SNX31: variants seen among roughly 807,000 people sequenced by gnomAD.
The protein encoded by SNX31 is sorting nexin 31.
Under a neutral mutation model 65.4 loss-of-function variants are expected in SNX31, and 58 were observed. The ratio of observed to expected loss-of-function variants is 0.89; its 90% CI spans 0.72 to 1.10. The LOEUF is 1.10. SNX31 is among the 50% of genes least tolerant of loss of function. The pLI is 0.00. For synonymous variants in SNX31, 181 were observed against 190.1 expected (o/e 0.95, Z 0.39); for missense variants, 523 against 529.7 (o/e 0.99, Z 0.12).
chr8:100,655,148 C>T (rs1288014361), intron 1 of SNX31, among the ~76,000 whole-genome samples: 7 of 152,118 alleles, frequency 4.6e-5, no homozygotes, highest in Non-Finnish European at 7.4e-5. Flanking sequence ...CGGTGACGTC[C>T]GGTCTGCCAC....
At chr8:100,584,466 C>T (rs1813847399) in intron 11 of SNX31, among the ~76,000 whole-genome samples, 1 of 152,108 alleles carries the variant, frequency 6.6e-6, no homozygotes, top group Non-Finnish European at 1.5e-5. Flanking sequence ...AAACTCACCC[C>T]CTTGCATCCC....
rs1394021665 is a variant in SNX31 at position 100,576,354 on chromosome 8, A to G, written c.1227+665T>C. ...TTCATTCACCTACACTAGGATTTGG[A>G]CTTAGAAAGGAAGAGTTAGCAAGGG... is the stretch of plus-strand genomic sequence containing the variant. On this transcript the variant is annotated intron_variant, in intron 13 of 13. Transcript: ENST00000311812. The surrounding 1 kb of genome is among the most constrained non-coding windows in gnomAD (Gnocchi z 4.8). Among the ~76,000 whole-genome samples, 1 of 152,172 alleles carries G rather than the reference A, an allele frequency of 6.6e-6. No individual in the cohort carries two copies. Among genetic ancestry groups the G allele is most frequent in the African/African-American group, 2.4e-5 (1 of 41,444 alleles).
chr8:100,620,332 G>A (rs914100061), intron 4 of SNX31, among the ~76,000 whole-genome samples: 2 of 152,162 alleles, frequency 1.3e-5, no homozygotes, highest in African/African-American at 2.4e-5. Flanking sequence ...GTCTTCACAG[G>A]GACCTGGGGA....
At position 100,578,279 on chromosome 8, in the gene SNX31, A is replaced by G. The variant is rs759937856; in HGVS notation, c.1171-1204T>C. ...TCTTAGACTCTTCTTAATGGGAAAG[A>G]AAAGAACTGCTATGTGCGTTAGGTA... On this transcript the variant is annotated intron_variant, in intron 12 of 13. Transcript: ENST00000311812. This position sits in a 1 kb window ranked among gnomAD's most constrained non-coding sequence, Gnocchi z 4.7. 5.3e-5 allele frequency among the ~76,000 whole-genome samples: 8 copies of G among 152,186 alleles called. No homozygotes were observed. Among genetic ancestry groups the G allele is most frequent in the African/African-American group, 1.7e-4 (7 of 41,432 alleles).
rs1587016602 is a variant in SNX31 at position 100,630,606 on chromosome 8, T to C, written c.257-215A>G. 6.6e-6 allele frequency among the ~76,000 whole-genome samples: 1 copy of C among 152,122 alleles called. No homozygotes were observed. Among genetic ancestry groups the C allele is most frequent in the Non-Finnish European group, 1.5e-5 (1 of 68,032 alleles). On this transcript the variant is annotated intron_variant, in intron 3 of 13. Coordinates refer to ENST00000311812, the MANE Select transcript of SNX31 (RefSeq NM_152628.4). This position sits in a 1 kb window ranked among gnomAD's most constrained non-coding sequence, Gnocchi z 5.3. ...AGGAACCCATGACACCCATCCAGGG[T>C]GACAGTGTTCCCAGGCATCTCACTT... is the stretch of plus-strand genomic sequence containing the variant.
In SNX31 at chr8:100,588,933, T is replaced by C; in HGVS notation, c.1025A>G (p.Asn342Ser). ...TDGPQRTLNQ[N>S]LELRFQYSED... ...ACTGTATTGAAATCTGAGCTCTAAG[T>C]TCTGGTTGAGAGTTCTCTGGGGCCC... The change falls in exon 11 of 14, where the codon AAC becomes AGC. Residue 342 changes from asparagine to serine, a missense_variant. Transcript: ENST00000311812. The surrounding 1 kb of genome is among the most constrained non-coding windows in gnomAD (Gnocchi z 4.8). The C allele has an allele frequency of 6.2e-7, 1 of 1,614,044 alleles. No individual in the cohort carries two copies.
At chr8:100,599,552 G>T (rs1232539713) in intron 9 of SNX31, among the ~76,000 whole-genome samples, 3 of 151,390 alleles carry the variant, frequency 2.0e-5, no homozygotes, top group South Asian at 2.1e-4. Flanking sequence ...TCTTTTTGCA[G>T]TTCATCAGTA....
rs185179420 is a variant in SNX31, at chr8:100,604,483, C to G, written c.681+4011G>C. 6.6e-6 allele frequency among the ~76,000 whole-genome samples: 1 copy of G among 152,212 alleles called. No individual in the cohort carries two copies. Among genetic ancestry groups the G allele is most frequent in the Admixed American group, 6.5e-5 (1 of 15,278 alleles). ...GACGTGTGTGCCTGGACAAGGTCAC[C>G]AGGCCATAGGGGAGTCAGGAAGCCA... On this transcript the variant is annotated intron_variant, in intron 8 of 13. Coordinates refer to ENST00000311812, the MANE Select transcript of SNX31 (RefSeq NM_152628.4). This position sits in a 1 kb window ranked among gnomAD's most constrained non-coding sequence, Gnocchi z 4.3.
chr8:100,581,329 C>CTATATATATA (rs1491502174), intron 12 of SNX31, among the ~76,000 whole-genome samples: 13 of 80,166 alleles, frequency 1.6e-4, no homozygotes, highest in African/African-American at 3.4e-4. Context: ...CTATATCTAT[C>CTATATATATA]TATCTATCTA....
chr8:100,573,730 A>T lies in SNX31; in HGVS notation c.*135T>A. Reference sequence around the variant, plus strand: ...TGTGGTATAATACCTTGATGAATACAGTCCATGTTAATGCCAAAAAAATGG... The same window carrying T: ...TGTGGTATAATACCTTGATGAATACTGTCCATGTTAATGCCAAAAAAATGG... On this transcript the variant is annotated 3_prime_UTR_variant, in exon 14 of 14. Coordinates refer to ENST00000311812, the MANE Select transcript of SNX31 (RefSeq NM_152628.4). 2 of 510,834 alleles carry T rather than the reference A, an allele frequency of 3.9e-6. No homozygotes were observed. The highest frequency in any genetic ancestry group is 6.9e-6 in the Non-Finnish European group (2 of 289,696). 31.6% of individuals were successfully genotyped at this position (510,834 alleles called of 1,614,324 possible).
intron 7 of SNX31, among the ~76,000 whole-genome samples, 153 bp from the exon 8 acceptor site, chr8:100,608,716 C>G (rs1816420696): frequency 1.3e-5 from 2 of 152,196 alleles, no homozygotes; most frequent in Non-Finnish European, 2.9e-5. Flanking sequence ...TTCACTCTGC[C>G]CCTCCACCTC....
Position 100,596,855 on chromosome 8 carries a change from G to A in SNX31, c.775-13C>T, listed in dbSNP as rs769106004. 1.9e-6 allele frequency: 3 copies of A among 1,612,308 alleles called. No homozygotes were observed. The African/African-American group carries it at 4.0e-5, about 22-fold the overall frequency. On this transcript the variant is annotated splice_polypyrimidine_tract_variant and intron_variant, in intron 9 of 13. Transcript: ENST00000311812. The stretch of plus-strand genomic sequence containing the variant: ...CCAGCTCCAAAAACTGCTCCAAAGA[G>A]GGTGATGTGGGGGGAGGGGAGGCAA...
At chr8:100,650,983 G>C (rs1458407212), upstream of SNX31, among the ~76,000 whole-genome samples, 1 of 151,942 alleles carries the variant, frequency 6.6e-6, no homozygotes, top group African/African-American at 2.4e-5. Context: ...CTCCTGAGTA[G>C]CTGGGATTAC....
chr8:100,654,075 G>A (rs1763660086), upstream of SNX31, among the ~76,000 whole-genome samples: 1 of 152,124 alleles, frequency 6.6e-6, no homozygotes, highest in Admixed American at 6.6e-5. Context: ...ACATGATCAT[G>A]GCTCACTGCA....
chr8:100,638,177 A>AGATCAT (rs1047020369), intron 2 of SNX31, among the ~76,000 whole-genome samples: 5 of 152,218 alleles, frequency 3.3e-5, no homozygotes, highest in Admixed American at 2.6e-4. Flanking sequence ...AAAGTAAGTC[A>AGATCAT]GATCATTCCA....
intron 10 of SNX31, 130 bp from the exon 11 acceptor site, chr8:100,589,109 T>C: frequency 3.5e-6 from 2 of 563,900 alleles, no homozygotes; most frequent in Non-Finnish European, 3.1e-6. Flanking sequence ...GAGACCATCC[T>C]GGCCAACATG....
chr8:100,654,067 A>G (rs573198622), upstream of SNX31, among the ~76,000 whole-genome samples: 4 of 152,298 alleles, frequency 2.6e-5, no homozygotes, highest in South Asian at 6.2e-4. Context: ...GTGGAGTGAC[A>G]TGATCATGGC....
rs5893526 is a variant in SNX31, at chr8:100,610,358, A to AT, written c.611+1641dup. On this transcript the variant is annotated intron_variant, in intron 7 of 13. Transcript: ENST00000311812. This position sits in a 1 kb window ranked among gnomAD's most constrained non-coding sequence, Gnocchi z 4.0. The stretch of plus-strand genomic sequence containing the variant: ...ATGAGTGAAAATCTAAGCCCCAAAG[A>AT]TTTTTTTTTTTTTTTTGCTTCCTAT... Among the ~76,000 whole-genome samples, 3 of 144,026 alleles carry AT rather than the reference A, an allele frequency of 2.1e-5. No individual in the cohort carries two copies. Among genetic ancestry groups the AT allele is most frequent in the East Asian group, 4.1e-4 (2 of 4,936 alleles). 94.5% of individuals were successfully genotyped at this position (144,026 alleles called of 152,430 possible).
At chr8:100,635,386 T>A (rs1563574002) in intron 3 of SNX31, among the ~76,000 whole-genome samples, 1 of 151,880 alleles carries the variant, frequency 6.6e-6, no homozygotes, top group Non-Finnish European at 1.5e-5. Context: ...ATTATAGGCA[T>A]GCACCATCAT....
Sources: allele counts gnomAD v4.1 joint callset (sites outside exome capture counted in the v4.1 genomes callset), GRCh38; gene constraint gnomAD v4.1.1; non-coding constraint Gnocchi (gnomAD v3.1); transcripts MANE v1.5; gene names NCBI Gene and HGNC (gene_info 2026-07-23, HGNC 2026-07-21).